CCZ1B: variants seen among roughly 807,000 people sequenced by gnomAD.
The protein encoded by CCZ1B is vacuolar fusion protein CCZ1 homolog B.
In CCZ1B, 25 loss-of-function variants were observed where a neutral mutation model predicts 58.8. That is an observed-to-expected ratio of 0.43 (90% CI 0.31 to 0.59). The LOEUF (loss-of-function observed/expected upper bound fraction) is 0.59. Ranked by LOEUF, CCZ1B falls within the 20% of genes least tolerant of loss-of-function variation. The pLI is 0.12. For missense variants in CCZ1B, 180 were observed against 501.5 expected, an observed-to-expected ratio of 0.36 and a Z score of 6.12; for synonymous variants, 66 against 173.2, an observed-to-expected ratio of 0.38 and a Z score of 4.86.
At position 6,812,072 on chromosome 7, in the gene CCZ1B, C is replaced by G. The variant is rs1428125757; in HGVS notation, c.843-9G>C. The stretch of plus-strand genomic sequence containing the variant: ...AGGGTCCGGTAAGAAATCTTAAAAG[C>G]AAGAACAGACATGACTTGATTCAAC... On this transcript the variant is annotated splice_polypyrimidine_tract_variant and intron_variant, in intron 9 of 14. Transcript: ENST00000316731. 2.6e-6 allele frequency: 3 copies of G among 1,163,440 alleles called. No homozygotes were observed. The highest frequency in any genetic ancestry group is 1.3e-6 in the Non-Finnish European group (1 of 778,230). The allele number at this position is 1,163,440 out of a possible 1,614,324, so 72.1% of individuals were successfully genotyped here. A position where few individuals can be genotyped will look rare whatever the true frequency, so the allele number is the denominator to read the frequency against.
Position 6,822,183 on chromosome 7 carries a change from G to C in CCZ1B, c.522+98C>G, listed in dbSNP as rs1458901114. The C allele has an allele frequency of 6.6e-6, 10 of 1,508,154 alleles. 1 individual carries two copies. The highest frequency in any genetic ancestry group is 8.9e-6 in the Non-Finnish European group (10 of 1,127,062). The allele number at this position is 1,508,154 out of a possible 1,614,324, so 93.4% of individuals were successfully genotyped here. ...AGGCTCTTTGCCACTTTCAAGTTCT[G>C]GGTTTTTTGTAGATAAGAAACAAAC... On this transcript the variant is annotated intron_variant, in intron 6 of 14. Coordinates refer to ENST00000316731, the MANE Select transcript of CCZ1B (RefSeq NM_198097.5).
chr7:6,800,443 C>A (rs1782745475), intron 14 of CCZ1B, among the ~76,000 whole-genome samples: 1 of 140,834 alleles, frequency 7.1e-6, no homozygotes, highest in Non-Finnish European at 1.5e-5. Context: ...TCACTTGAGG[C>A]CTGGAGTTTG....
chr7:6,821,077 C>T (rs1225106050), intron 6 of CCZ1B, among the ~76,000 whole-genome samples: 10 of 147,386 alleles, frequency 6.8e-5, no homozygotes, highest in African/African-American at 2.3e-4. Context: ...GGTGCGATCT[C>T]GGCTCACTGC....
rs1419894105 is a variant in CCZ1B at position 6,819,780 on chromosome 7, G to A, written c.684C>T (p.Asn228=). The change falls in exon 7 of 15, where the codon AAC becomes AAT. Residue 228 remains asparagine (N), a synonymous_variant. Transcript: ENST00000316731. ...NIVKYTAFLY[N]DQLIWSGLEQ... ...GGTGTACCTACCAGATGAGCTGATC[G>A]TTATAGAGAAAAGCAGTGTATTTGA... The A allele has an allele frequency of 9.8e-6, 15 of 1,532,540 alleles. 1 individual carries two copies. Among genetic ancestry groups the A allele is most frequent in the African/African-American group, 1.5e-5 (1 of 67,342 alleles). The allele number at this position is 1,532,540 out of a possible 1,614,324, so 94.9% of individuals were successfully genotyped here. A position where few individuals can be genotyped will look rare whatever the true frequency, so the allele number is the denominator to read the frequency against.
At chr7:6,818,545 TAGAAAGAAAGAA>T (rs1190526094) in intron 7 of CCZ1B, among the ~76,000 whole-genome samples, 12 of 139,774 alleles carry the variant, frequency 8.6e-5, no homozygotes, top group Non-Finnish European at 1.7e-4. Context: ...GAGACTCCGT[TAGAAAGAAAGAA>T]AGAAAGACAG....
intron 5 of CCZ1B, 181 bp from the exon 6 acceptor site, chr7:6,822,545 T>C: frequency 8.4e-7 from 1 of 1,190,386 alleles, no homozygotes; most frequent in South Asian, 1.8e-5. Context: ...AAAAATACTG[T>C]TAAGTGATGC....
chr7:6,818,894 T>C (rs1783063140), intron 7 of CCZ1B, among the ~76,000 whole-genome samples: 1 of 148,446 alleles, frequency 6.7e-6, no homozygotes. Context: ...TGTGCCCACG[T>C]TGTTCCTACT....
chr7:6,823,285 C>G, intron 5 of CCZ1B, 28 bp downstream of exon 5: 10 of 1,604,846 alleles, frequency 6.2e-6, no homozygotes, highest in Non-Finnish European at 8.5e-6. Flanking sequence ...TGGTTGGACT[C>G]TGAGTTGAGA....
At chr7:6,823,550 G>A (rs4724857) in intron 4 of CCZ1B, among the ~76,000 whole-genome samples, 190 bp from the exon 5 acceptor site, 23,655 of 122,414 alleles carry the variant, frequency 0.19, 2,898 homozygotes, top group South Asian at 0.39. Flanking sequence ...ATGGAGTCTC[G>A]CTCTGTTGTC....
chr7:6,818,612 A>C (rs1200510046), intron 7 of CCZ1B, among the ~76,000 whole-genome samples: 1 of 131,656 alleles, frequency 7.6e-6, no homozygotes, highest in Non-Finnish European at 1.6e-5. Context: ...AGAAAGAAAG[A>C]AAGACAAGAA....
At chr7:6,823,477 C>G in intron 4 of CCZ1B, 117 bp from the exon 5 acceptor site, 1 of 1,425,234 alleles carries the variant, frequency 7.0e-7, no homozygotes, top group East Asian at 2.3e-5. Context: ...TAAACTTCAT[C>G]CCACAATAGT....
At position 6,823,295 on chromosome 7, in the gene CCZ1B, A is replaced by G; in HGVS notation, c.438+18T>C. On this transcript the variant is annotated intron_variant, in intron 5 of 14. Transcript: ENST00000316731. ...GTAAGTGGTTGGACTCTGAGTTGAGAAAGAACGCCACGCTTACCTTGTACA... is the reference window on the plus strand; with the variant it reads ...GTAAGTGGTTGGACTCTGAGTTGAGGAAGAACGCCACGCTTACCTTGTACA... The G allele has an allele frequency of 1.2e-6, 2 of 1,605,300 alleles. No individual in the cohort carries two copies. Among genetic ancestry groups the G allele is most frequent in the Non-Finnish European group, 1.7e-6 (2 of 1,176,248 alleles).
In CCZ1B at chr7:6,814,345, G is replaced by A. The variant is rs935380317; in HGVS notation, c.780+419C>T. Among the ~76,000 whole-genome samples, 8 of 149,190 alleles carry A rather than the reference G, an allele frequency of 5.4e-5. 2 individuals carry two copies. The highest frequency in any genetic ancestry group is 1.3e-4 in the Admixed American group (2 of 15,032). On this transcript the variant is annotated intron_variant, in intron 8 of 14. Coordinates refer to ENST00000316731, the MANE Select transcript of CCZ1B (RefSeq NM_198097.5). ...AGGTCAGGAGTTCGAGACCAGCCTG[G>A]CCAACATAGTGAAACCTGTCTCTAC...
At chr7:6,818,767 C>G (rs1783060871) in intron 7 of CCZ1B, among the ~76,000 whole-genome samples, 1 of 147,796 alleles carries the variant, frequency 6.8e-6, no homozygotes, top group South Asian at 2.2e-4. Flanking sequence ...GAACATAAAA[C>G]TTGAGGGTCC....
At chr7:6,822,473 C>T in intron 5 of CCZ1B, 109 bp from the exon 6 acceptor site, 1 of 1,407,780 alleles carries the variant, frequency 7.1e-7, no homozygotes, top group Non-Finnish European at 9.4e-7. Flanking sequence ...CATTAAATCT[C>T]CCAGTTCTTT....
intron 7 of CCZ1B, among the ~76,000 whole-genome samples, chr7:6,818,731 G>T (rs1783059852): frequency 2.0e-5 from 3 of 146,858 alleles, no homozygotes; most frequent in East Asian, 1.9e-4. Flanking sequence ...AAGAAAGAAA[G>T]AAAGAAAGAG....
At chr7:6,813,294 T>G (rs1175241772) in intron 8 of CCZ1B, among the ~76,000 whole-genome samples, 1 of 149,244 alleles carries the variant, frequency 6.7e-6, no homozygotes, top group East Asian at 1.9e-4. Context: ...TGGCTAGTTT[T>G]TAAATTTTTG....
At chr7:6,818,917 C>T (rs1296865156) in intron 7 of CCZ1B, among the ~76,000 whole-genome samples, 1 of 148,060 alleles carries the variant, frequency 6.8e-6, no homozygotes, top group African/African-American at 2.6e-5. Flanking sequence ...AGGACACAAA[C>T]CTAGTTTCAC....
intron 1 of CCZ1B, among the ~76,000 whole-genome samples, chr7:6,825,175 C>T (rs62442271): frequency 0.18 from 26,826 of 147,804 alleles, 3,279 homozygotes; most frequent in South Asian, 0.36. Context: ...GTGTGCCCAT[C>T]TGCAGACACA....
Sources: allele counts gnomAD v4.1 joint callset (sites outside exome capture counted in the v4.1 genomes callset), GRCh38; gene constraint gnomAD v4.1.1; transcripts MANE v1.5; gene names NCBI Gene and HGNC (gene_info 2026-07-23, HGNC 2026-07-21).